HDX: variants seen among roughly 807,000 people sequenced by gnomAD.
HDX encodes highly divergent homeobox.
In HDX, 19 loss-of-function variants were observed where a neutral mutation model predicts 45.2. The ratio of observed to expected loss-of-function variants is 0.42; its 90% CI spans 0.29 to 0.62. The LOEUF is 0.62. HDX is among the 20% of genes least tolerant of loss of function. The pLI is 0.20. For missense variants in HDX, 532 were observed against 493.9 expected (o/e 1.08, Z -0.73); for synonymous variants, 188 against 172.8 (o/e 1.09, Z -0.69).
chrX:84,488,602 C>G (rs1301713550), intron 1 of HDX, among the ~76,000 whole-genome samples: 3 of 110,754 alleles, frequency 2.7e-5, no homozygotes, highest in Admixed American at 9.6e-5. Context: ...TATGAAAATT[C>G]CCCAGTTGCC....
chrX:84,375,997 A>G (rs1218267777), intron 5 of HDX, among the ~76,000 whole-genome samples: 1 of 112,673 alleles, frequency 8.9e-6, no homozygotes, highest in Non-Finnish European at 1.9e-5. Flanking sequence ...AGAAGACAGA[A>G]CAAGATGGCA....
intron 2 of HDX, among the ~76,000 whole-genome samples, chrX:84,485,427 A>G (rs780979793): frequency 8.0e-5 from 9 of 112,119 alleles, no homozygotes; most frequent in Non-Finnish European, 1.7e-4. Flanking sequence ...TGTTTGTAAC[A>G]TAGTCTCACT....
intron 6 of HDX, among the ~76,000 whole-genome samples, chrX:84,351,051 CTATCATCT>C (rs952461219): frequency 9.2e-6 from 1 of 108,644 alleles, no homozygotes; most frequent in Non-Finnish European, 1.9e-5. Context: ...ATCTATCTAT[CTATCATCT>C]ATCTATCTTA....
chrX:84,349,401 ATATG>A (rs780949255), intron 6 of HDX, among the ~76,000 whole-genome samples: 1,252 of 87,852 alleles, frequency 0.014, 10 homozygotes, highest in Non-Finnish European at 0.021. Context: ...TTATATATAT[ATATG>A]TGTGTGTGTG....
At chrX:84,449,948 G>A (rs900342100) in intron 4 of HDX, among the ~76,000 whole-genome samples, 2 of 109,568 alleles carry the variant, frequency 1.8e-5, no homozygotes, top group East Asian at 2.9e-4. Flanking sequence ...CACACACCGG[G>A]CCTGTTGTGG....
chrX:84,323,890 T>C (rs1227067712), intron 10 of HDX, among the ~76,000 whole-genome samples: 1 of 112,524 alleles, frequency 8.9e-6, no homozygotes, highest in East Asian at 2.8e-4. Context: ...ATTTTCCATA[T>C]GCTCAGATCT....
chrX:84,409,058 C>T (rs955290171), intron 5 of HDX, among the ~76,000 whole-genome samples: 8 of 110,579 alleles, frequency 7.2e-5, no homozygotes, highest in East Asian at 5.7e-4. Flanking sequence ...AAAAAGTGAG[C>T]GAAGGATATG....
At chrX:84,490,972 C>T (rs974072617) in intron 1 of HDX, among the ~76,000 whole-genome samples, 1 of 111,060 alleles carries the variant, frequency 9.0e-6, no homozygotes, top group Admixed American at 9.6e-5. Flanking sequence ...TTAAGATTTT[C>T]TCTTTTCTAT....
intron 8 of HDX, among the ~76,000 whole-genome samples, chrX:84,334,150 A>T (rs2036904681): frequency 9.0e-6 from 1 of 111,727 alleles, no homozygotes; most frequent in Non-Finnish European, 1.9e-5. Flanking sequence ...CAGGAAATTT[A>T]CTTCCTGTAA....
chrX:84,467,575 A>C (rs1202785214), intron 4 of HDX, among the ~76,000 whole-genome samples: 1 of 107,796 alleles, frequency 9.3e-6, no homozygotes, highest in South Asian at 4.2e-4. Context: ...GCAGTGAGCC[A>C]AGATCACGTC....
At chrX:84,400,384 C>T (rs1400058989) in intron 5 of HDX, among the ~76,000 whole-genome samples, 1 of 108,476 alleles carries the variant, frequency 9.2e-6, no homozygotes, top group Non-Finnish European at 1.9e-5. Flanking sequence ...ATGTGCAAAA[C>T]TCACAAGCAT....
At chrX:84,425,450 C>T (rs1032416338) in intron 5 of HDX, among the ~76,000 whole-genome samples, 1 of 111,659 alleles carries the variant, frequency 9.0e-6, no homozygotes, top group African/African-American at 3.3e-5. Flanking sequence ...CATGATCCAG[C>T]AGTCCCACTG....
intron 4 of HDX, among the ~76,000 whole-genome samples, chrX:84,467,472 C>A (rs906515146): frequency 5.5e-5 from 6 of 109,529 alleles, no homozygotes; most frequent in Non-Finnish European, 7.6e-5. Flanking sequence ...ACTAAAAATA[C>A]AAAAATTAGC....
At chrX:84,418,937 A>G (rs755268912) in intron 5 of HDX, among the ~76,000 whole-genome samples, 1 of 111,545 alleles carries the variant, frequency 9.0e-6, no homozygotes, top group African/African-American at 3.3e-5. Context: ...TGTATCTTGG[A>G]TACTAGCTCA....
At chrX:84,437,397 A>G (rs1045734894) in intron 5 of HDX, among the ~76,000 whole-genome samples, 1 of 110,889 alleles carries the variant, frequency 9.0e-6, no homozygotes, top group Admixed American at 9.6e-5. Context: ...CCTCCCAAGT[A>G]GCTGGGACTA....
chrX:84,346,852 A>G (rs142126155), intron 6 of HDX, among the ~76,000 whole-genome samples: 1,370 of 111,687 alleles, frequency 0.012, 20 homozygotes, highest in African/African-American at 0.042. Context: ...AAATGGTAAT[A>G]AAAAGCACAA....
chrX:84,458,283 CAA>C (rs60282406), intron 4 of HDX, among the ~76,000 whole-genome samples: 5 of 106,613 alleles, frequency 4.7e-5, no homozygotes, highest in African/African-American at 1.7e-4. Context: ...TTTGCACTAT[CAA>C]AAAAAAAATC....
chrX:84,338,014 A>G (rs961251329), intron 7 of HDX, among the ~76,000 whole-genome samples: 1 of 111,559 alleles, frequency 9.0e-6, no homozygotes, highest in African/African-American at 3.2e-5. Flanking sequence ...AGATTATTTG[A>G]ATAAATACTA....
intron 7 of HDX, among the ~76,000 whole-genome samples, chrX:84,342,648 G>A (rs755134929): frequency 9.1e-6 from 1 of 110,046 alleles, no homozygotes; most frequent in East Asian, 2.9e-4. Flanking sequence ...TTAACCATTT[G>A]GAAAAATAAA....
Sources: allele counts gnomAD v4.1 joint callset (sites outside exome capture counted in the v4.1 genomes callset), GRCh38; gene constraint gnomAD v4.1.1; transcripts MANE v1.5; gene names NCBI Gene and HGNC (gene_info 2026-07-23, HGNC 2026-07-21).